The following RGR variants were observed in gnomAD, a reference collection of about 807,000 sequenced individuals.
RGR encodes the protein retinal G protein coupled receptor.
Under a neutral mutation model 28.6 loss-of-function variants are expected in RGR, and 30 were observed. The ratio of observed to expected loss-of-function variants is 1.05; its 90% CI spans 0.78 to 1.42. The LOEUF (loss-of-function observed/expected upper bound fraction) is 1.42. Ranked by LOEUF, RGR falls within the 40% of genes most tolerant of loss-of-function variation. The pLI is 0.00. For synonymous variants in RGR, 180 were observed against 156.4 expected, an observed-to-expected ratio of 1.15 and a Z score of -1.13; for missense variants, 404 against 375.6, an observed-to-expected ratio of 1.08 and a Z score of -0.62.
chr10:84,250,612 T>C, intron 3 of RGR: 1 of 615,878 alleles, frequency 1.6e-6, no homozygotes. Context: ...TTAATCCCTG[T>C]GCCAGAGGCC....
At position 84,258,923 on chromosome 10, in the gene RGR, T is replaced by C. The variant is rs982823817; in HGVS notation, c.*284T>C. 8 of 425,738 alleles carry C rather than the reference T, an allele frequency of 1.9e-5. No homozygotes were observed. The highest frequency in any genetic ancestry group is 3.5e-5 in the Non-Finnish European group (8 of 226,618). The allele number at this position is 425,738 out of a possible 1,614,324, so 26.4% of individuals were successfully genotyped here. On this transcript the variant is annotated 3_prime_UTR_variant, in exon 7 of 7. Coordinates refer to ENST00000652092, the MANE Select transcript of RGR (RefSeq NM_001012720.2). ...GTAAGGGGGTACAGTGCAGTTTTGTTACATGGATAGATTGCCTAGTGGTGA... is the reference window on the plus strand; with the variant it reads ...GTAAGGGGGTACAGTGCAGTTTTGTCACATGGATAGATTGCCTAGTGGTGA...
At chr10:84,248,736 AT>A in intron 2 of RGR, 185 bp from the exon 3 acceptor site, 1 of 990,482 alleles carries the variant, frequency 1.0e-6, no homozygotes, top group African/African-American at 1.6e-5. Context: ...GAGAGTGTGC[AT>A]TGGGCTCCAC....
chr10:84,253,026 C>A lies in RGR; in HGVS notation c.512+16C>A. 6.2e-7 allele frequency: 1 copy of A among 1,611,546 alleles called. No individual in the cohort carries two copies. The highest frequency in any genetic ancestry group is 1.1e-5 in the South Asian group (1 of 90,978). ...AGGGGGACAGGTGAGGTGGGAGGAG[C>A]AGCTTCGAGGCTCCTATCCATGGGA... On this transcript the variant is annotated intron_variant, in intron 4 of 6. Coordinates refer to ENST00000652092, the MANE Select transcript of RGR (RefSeq NM_001012720.2).
intron 3 of RGR, chr10:84,250,298 T>C (rs939101721): frequency 1.4e-6 from 1 of 710,780 alleles, no homozygotes; most frequent in Admixed American, 2.0e-5. Context: ...TCCACAGAAC[T>C]TCCCTTGCCA....
In RGR at chr10:84,258,514, G is replaced by A. The variant is rs777299739; in HGVS notation, c.751G>A (p.Ala251Thr). The A allele has an allele frequency of 2.4e-5, 38 of 1,614,064 alleles. No individual in the cohort carries two copies. The highest frequency in any genetic ancestry group is 1.6e-4 in the Middle Eastern group (1 of 6,084). Residue 251 changes from alanine to threonine, a missense_variant, in exon 7 of 7, where the codon GCC (alanine) becomes ACC (threonine). Physicochemically the swap from Ala to Thr is moderately conservative, Grantham distance 58 (BLOSUM62 0). Transcript: ENST00000652092. ...GACTTTTCTGCCACAACAGGTGCCCGCCCTCATTGCCAAAATGGTGCCCAC... is the reference window on the plus strand; with the variant it reads ...GACTTTTCTGCCACAACAGGTGCCCACCCTCATTGCCAAAATGGTGCCCAC... Reference protein sequence around the residue: ...SISPKLQMVPALIAKMVPTIN... With the variant: ...SISPKLQMVPTLIAKMVPTIN...
intron 5 of RGR, among the ~76,000 whole-genome samples, chr10:84,254,974 A>C (rs1842865301): frequency 6.6e-6 from 1 of 151,966 alleles, no homozygotes; most frequent in Admixed American, 6.6e-5. Flanking sequence ...TCACTTTTTA[A>C]TCTTATTTGT....
At chr10:84,251,790 C>T (rs1842821567) in intron 3 of RGR, among the ~76,000 whole-genome samples, 1 of 152,180 alleles carries the variant, frequency 6.6e-6, no homozygotes, top group South Asian at 2.1e-4. Flanking sequence ...AAGGCCCCAC[C>T]TCCAAATGCC....
At position 84,248,845 on chromosome 10, in the gene RGR, C is replaced by T; in HGVS notation, c.237-77C>T. Reference sequence around the variant, plus strand: ...GAAGGGCAGCATTCAGGAACACACACTCCAAGCTGTACTTGGCAGGTGTGG... The same window carrying T: ...GAAGGGCAGCATTCAGGAACACACATTCCAAGCTGTACTTGGCAGGTGTGG... On this transcript the variant is annotated intron_variant, in intron 2 of 6. Transcript: ENST00000652092. 3 of 1,612,818 alleles carry T rather than the reference C, an allele frequency of 1.9e-6. No individual in the cohort carries two copies. The East Asian group carries it at 6.7e-5, about 36-fold the overall frequency.
Position 84,258,515 on chromosome 10 carries a change from C to T in RGR, c.752C>T (p.Ala251Val). The T allele has an allele frequency of 1.2e-6, 2 of 1,614,230 alleles. No homozygotes were observed. The highest frequency in any genetic ancestry group is 1.7e-6 in the Non-Finnish European group (2 of 1,180,044). ...SISPKLQMVP[A>V]LIAKMVPTIN... ...ACTTTTCTGCCACAACAGGTGCCCG[C>T]CCTCATTGCCAAAATGGTGCCCACG... The change falls in exon 7 of 7, where the codon GCC becomes GTC. Residue 251 changes from alanine (A) to valine (V), a missense_variant. Coordinates refer to ENST00000652092, the MANE Select transcript of RGR (RefSeq NM_001012720.2).
In RGR at chr10:84,254,434, C is replaced by A. The variant is rs1462377449; in HGVS notation, c.621C>A (p.Gly207=). 1.2e-6 allele frequency: 2 copies of A among 1,613,536 alleles called. No individual in the cohort carries two copies. Among genetic ancestry groups the A allele is most frequent in the Admixed American group, 3.3e-5 (2 of 60,010 alleles). Residue 207 remains glycine, a synonymous_variant, in exon 5 of 7, where the codon GGC becomes GGA. Coordinates refer to ENST00000652092, the MANE Select transcript of RGR (RefSeq NM_001012720.2). The stretch of plus-strand genomic sequence containing the variant: ...TGGAGCAGAAACTGGGGAAGAGTGG[C>A]CATCTCCAGGTAAGGACCCCCTTCC... ...SLMEQKLGKS[G]HLQVNTTLPA...
In RGR at chr10:84,245,365, C is replaced by T. The variant is rs535926079; in HGVS notation, c.79+196C>T. On this transcript the variant is annotated intron_variant, in intron 1 of 6. Transcript: ENST00000652092. ...AACCTGTGAGGTGCAGCACACTGCC[C>T]GCTGGGAGCAGAGAGGAAGCCAGGC... Among the ~76,000 whole-genome samples, 98 of 152,176 alleles carry T rather than the reference C, an allele frequency of 6.4e-4. 1 individual carries two copies. The South Asian group carries it at 0.02, about 31-fold the overall frequency.
At chr10:84,245,213 T>C in intron 1 of RGR, 44 bp downstream of exon 1, 1 of 1,583,782 alleles carries the variant, frequency 6.3e-7, no homozygotes, top group Non-Finnish European at 8.6e-7. Context: ...CCCAGTGGGT[T>C]CTGAGGACCC....
At position 84,256,911 on chromosome 10, in the gene RGR, C is replaced by G. The variant is rs547435155; in HGVS notation, c.631-982C>G. Among the ~76,000 whole-genome samples, 90 of 152,236 alleles carry G rather than the reference C, an allele frequency of 5.9e-4. No individual in the cohort carries two copies. The East Asian group carries it at 0.017, about 28-fold the overall frequency. On this transcript the variant is annotated intron_variant, in intron 5 of 6. Transcript: ENST00000652092. ...GCGGCTTCCCGAGACCGCGTAGCCT[C>G]CCCAGGGGATTCCACGTCTTAGGGC...
chr10:84,247,579 C>T lies in RGR; in HGVS notation c.80-12C>T. 6.2e-7 allele frequency: 1 copy of T among 1,614,146 alleles called. No homozygotes were observed. Among genetic ancestry groups the T allele is most frequent in the South Asian group, 1.1e-5 (1 of 91,082 alleles). On this transcript the variant is annotated splice_polypyrimidine_tract_variant and intron_variant, in intron 1 of 6. Coordinates refer to ENST00000652092, the MANE Select transcript of RGR (RefSeq NM_001012720.2). Reference sequence around the variant, plus strand: ...CAGCAGCCCCAATGCCAGCCCCCACCCTTCCTTTCAGCTCTCTCCGGTCTC... The same window carrying T: ...CAGCAGCCCCAATGCCAGCCCCCACTCTTCCTTTCAGCTCTCTCCGGTCTC...
chr10:84,255,012 G>T, intron 5 of RGR: 1 of 165,300 alleles, frequency 6.0e-6, no homozygotes, highest in South Asian at 1.6e-4. Context: ...TCTGTTTCTT[G>T]TCTTGCTTCT....
rs1431803645 is a variant in RGR, at chr10:84,248,392, G to A, written c.237-530G>A. The A allele has an allele frequency of 1.3e-5, 3 of 237,748 alleles. No homozygotes were observed. The Admixed American group carries it at 1.6e-4, about 12-fold the overall frequency. 14.7% of individuals were successfully genotyped at this position (237,748 alleles called of 1,614,324 possible). A position where few individuals can be genotyped will look rare whatever the true frequency, so the allele number is the denominator to read the frequency against. On this transcript the variant is annotated intron_variant, in intron 2 of 6. Transcript: ENST00000652092. ...GAAGCAGACTGGACATTCTCATTCTGGTTTTGGACACTACAGACGGAGGCT... is the reference window on the plus strand; with the variant it reads ...GAAGCAGACTGGACATTCTCATTCTAGTTTTGGACACTACAGACGGAGGCT...
At position 84,252,917 on chromosome 10, in the gene RGR, C is replaced by A; in HGVS notation, c.419C>A (p.Ala140Asp). Reference protein sequence around the residue: ...SLVLFVWLSSAFWAALPLLGW... With the variant: ...SLVLFVWLSSDFWAALPLLGW... ...GTGCTCTTCGTGTGGCTGTCTTCTG[C>A]CTTCTGGGCAGCTCTGCCCCTTCTG... Residue 140 changes from alanine (A) to aspartate (D), a missense_variant, in exon 4 of 7, where the codon GCC (alanine) becomes GAC (aspartate). Physicochemically the swap from Ala to Asp is moderately radical, Grantham distance 126. Transcript: ENST00000652092. 2.5e-6 allele frequency: 4 copies of A among 1,614,144 alleles called. No homozygotes were observed. The highest frequency in any genetic ancestry group is 3.4e-6 in the Non-Finnish European group (4 of 1,180,050).
At chr10:84,249,154 A>AAAC in intron 3 of RGR, 111 bp downstream of exon 3, 1 of 1,494,198 alleles carries the variant, frequency 6.7e-7, no homozygotes, top group Non-Finnish European at 9.2e-7. Flanking sequence ...CAGTACAGGG[A>AAAC]AGTGTGGGTA....
At position 84,249,059 on chromosome 10, in the gene RGR, C is replaced by T. The variant is rs1842783975; in HGVS notation, c.358+16C>T. The stretch of plus-strand genomic sequence containing the variant: ...TACTGCACCCGTATGTATCTGGGCT[C>T]CTGGAGTGGAGGGACACCGATGCAG... On this transcript the variant is annotated intron_variant, in intron 3 of 6. Transcript: ENST00000652092. 6.2e-7 allele frequency: 1 copy of T among 1,613,424 alleles called. No individual in the cohort carries two copies. Among genetic ancestry groups the T allele is most frequent in the African/African-American group, 1.3e-5 (1 of 74,920 alleles).
Sources: gnomAD v4.1 joint callset for allele counts (sites outside exome capture counted in the v4.1 genomes callset) on GRCh38, gnomAD v4.1.1 for gene constraint, MANE v1.5 for transcripts, NCBI Gene and HGNC (gene_info 2026-07-23, HGNC 2026-07-21) for gene names.